Variants in ENPP4 observed in about 807,000 individuals in gnomAD.
ENPP4 encodes the protein ectonucleotide pyrophosphatase/phosphodiesterase 4.
In ENPP4, 18 loss-of-function variants were observed where a neutral mutation model predicts 33.4. The ratio of observed to expected loss-of-function variants is 0.54; its 90% CI spans 0.37 to 0.80. The LOEUF is 0.80. Ranked by LOEUF, ENPP4 falls within the 30% of genes least tolerant of loss-of-function variation. ENPP4 has a pLI of 0.00. For synonymous variants in ENPP4, 172 were observed against 189.9 expected (o/e 0.91, Z 0.78); for missense variants, 480 against 541.7 (o/e 0.89, Z 1.13).
At chr6:46,142,350 TA>T (rs1764074715) in intron 3 of ENPP4, among the ~76,000 whole-genome samples, 1 of 140,844 alleles carries the variant, frequency 7.1e-6, no homozygotes, top group Non-Finnish European at 1.5e-5. Context: ...TAATTATATG[TA>T]ATATATATAA....
At chr6:46,133,435 G>A (rs143607518) in intron 1 of ENPP4, among the ~76,000 whole-genome samples, 111 of 152,236 alleles carry the variant, frequency 7.3e-4, no homozygotes, top group African/African-American at 2.5e-3. Context: ...AGCAGATGGC[G>A]TGCTAATAGT....
chr6:46,143,591 T>A lies in ENPP4; in HGVS notation c.1313T>A (p.Phe438Tyr). 6.2e-7 allele frequency: 1 copy of A among 1,612,224 alleles called. No homozygotes were observed. Among genetic ancestry groups the A allele is most frequent in the Non-Finnish European group, 8.5e-7 (1 of 1,178,716 alleles). ...AATAGACTTTCTGTACCTCGTCCATTTTCTCGACTTCAGCTACAAGAAGAT... is the reference window on the plus strand; with the variant it reads ...AATAGACTTTCTGTACCTCGTCCATATTCTCGACTTCAGCTACAAGAAGAT... The part of the protein sequence containing the change: ...MQNRLSVPRP[F>Y]SRLQLQEDDD... Residue 438 changes from phenylalanine (F) to tyrosine (Y), a missense_variant, in exon 4 of 4, where the codon TTT becomes TAT. Physicochemically the swap from Phe to Tyr is conservative, Grantham distance 22. Around this residue, in one of 3 missense-constraint regions of ENPP4, gnomAD observed 249 missense variants for 251.8 expected, o/e 0.99. Transcript: ENST00000321037.
At chr6:46,136,845 T>C (rs547308453) in intron 1 of ENPP4, among the ~76,000 whole-genome samples, 2 of 152,010 alleles carry the variant, frequency 1.3e-5, no homozygotes, top group East Asian at 3.9e-4. Flanking sequence ...TAGAGATGGA[T>C]GAGTGGGTAG....
chr6:46,134,222 C>T (rs1763943777), intron 1 of ENPP4, among the ~76,000 whole-genome samples: 1 of 151,972 alleles, frequency 6.6e-6, no homozygotes, highest in South Asian at 2.1e-4. Context: ...TTTACACATC[C>T]TCATTTTACA....
At chr6:46,133,546 A>G (rs547846136) in intron 1 of ENPP4, among the ~76,000 whole-genome samples, 34 of 152,278 alleles carry the variant, frequency 2.2e-4, no homozygotes, top group African/African-American at 7.9e-4. Flanking sequence ...TCCAGGGAAG[A>G]ACGTCTTCCC....
intron 1 of ENPP4, among the ~76,000 whole-genome samples, chr6:46,133,565 T>C (rs200155478): frequency 1.3e-5 from 2 of 152,296 alleles, no homozygotes; most frequent in East Asian, 1.9e-4. Flanking sequence ...CCAGAGAAAT[T>C]AGAAGGTAGT....
In ENPP4 at chr6:46,140,060, A is replaced by G. The variant is rs1411991945; in HGVS notation, c.477A>G (p.Ser159=). 6.2e-7 allele frequency: 1 copy of G among 1,612,034 alleles called. No homozygotes were observed. The highest frequency in any genetic ancestry group is 8.5e-7 in the Non-Finnish European group (1 of 1,178,456). The part of the protein sequence containing the change: ...SYFMNYNSSV[S]FEERLNNITM... ...TTATGAATTACAACTCCTCAGTGTCATTTGAGGAAAGACTAAATAATATTA... is the reference window on the plus strand; with the variant it reads ...TTATGAATTACAACTCCTCAGTGTCGTTTGAGGAAAGACTAAATAATATTA... Residue 159 remains serine (S), a synonymous_variant, in exon 2 of 4, where the codon TCA becomes TCG. Transcript: ENST00000321037.
chr6:46,140,722 A>G lies in ENPP4; in HGVS notation c.826+313A>G, dbSNP rs78497979. Among the ~76,000 whole-genome samples the G allele has an allele frequency of 4.5e-3, 681 of 151,826 alleles. 2 individuals carry two copies. The highest frequency in any genetic ancestry group is 0.015 in the African/African-American group (640 of 41,492). On this transcript the variant is annotated intron_variant, in intron 2 of 3. Coordinates refer to ENST00000321037, the MANE Select transcript of ENPP4 (RefSeq NM_014936.5). ...AGTGTGTGATATTTAGTGGTGAGGT[A>G]CTTTCTTCTACTGATCATAGAAGTA...
chr6:46,144,891 C>A lies in ENPP4; in HGVS notation c.*1251C>A, dbSNP rs896399744. ...CAGTATTTGCATCACAGAAATAATC[C>A]CTCTGTTTAACATGTTTGTTCAGAG... On this transcript the variant is annotated 3_prime_UTR_variant, in exon 4 of 4. Transcript: ENST00000321037. The A allele has an allele frequency of 4.5e-5, 18 of 395,744 alleles. No individual in the cohort carries two copies. The highest frequency in any genetic ancestry group is 3.8e-4 in the South Asian group (3 of 7,830). 24.5% of individuals were successfully genotyped at this position (395,744 alleles called of 1,614,324 possible).
intron 1 of ENPP4, among the ~76,000 whole-genome samples, chr6:46,133,184 A>G (rs1161065917): frequency 1.3e-5 from 2 of 152,192 alleles, no homozygotes; most frequent in Non-Finnish European, 2.9e-5. Context: ...AGAAAGTAAG[A>G]TAAGTGTAAG....
chr6:46,130,474 C>T (rs375301195), intron 1 of ENPP4, among the ~76,000 whole-genome samples: 2 of 152,110 alleles, frequency 1.3e-5, no homozygotes, highest in African/African-American at 4.8e-5. Flanking sequence ...GGAAGTCAGC[C>T]GAACGGTAGT....
At chr6:46,142,390 A>AT (rs1347757805) in intron 3 of ENPP4, among the ~76,000 whole-genome samples, 128 of 144,310 alleles carry the variant, frequency 8.9e-4, no homozygotes, top group Non-Finnish European at 1.4e-3. Flanking sequence ...TATATTATAT[A>AT]TAATATATAA....
In ENPP4 at chr6:46,143,730, A is replaced by G. The variant is rs1482563066; in HGVS notation, c.*90A>G. On this transcript the variant is annotated 3_prime_UTR_variant, in exon 4 of 4. Coordinates refer to ENST00000321037, the MANE Select transcript of ENPP4 (RefSeq NM_014936.5). ...TAGTGTTGTAACTATGAAAAAGAAT[A>G]CTTTGAAAGACAAAGAACTTAGACT... is the stretch of plus-strand genomic sequence containing the variant. 2 of 1,273,028 alleles carry G rather than the reference A, an allele frequency of 1.6e-6. No individual in the cohort carries two copies. The highest frequency in any genetic ancestry group is 3.0e-5 in the African/African-American group (2 of 66,912). 78.9% of individuals were successfully genotyped at this position (1,273,028 alleles called of 1,614,324 possible). A position where few individuals can be genotyped will look rare whatever the true frequency, so the allele number is the denominator to read the frequency against.
At chr6:46,132,115 T>C (rs1296835057) in intron 1 of ENPP4, among the ~76,000 whole-genome samples, 1 of 152,222 alleles carries the variant, frequency 6.6e-6, no homozygotes, top group Non-Finnish European at 1.5e-5. Flanking sequence ...GCCTGTTCAC[T>C]CTGATGGTAG....
chr6:46,144,487 C>G lies in ENPP4; in HGVS notation c.*847C>G, dbSNP rs542651595. On this transcript the variant is annotated 3_prime_UTR_variant, in exon 4 of 4. Transcript: ENST00000321037. ...AAGGAGGTCAGAGATGGACTGTGGC[C>G]AGGCTTCCACATTCCTGAAGCACAC... 1.3e-5 allele frequency: 2 copies of G among 152,224 alleles called. No homozygotes were observed. The highest frequency in any genetic ancestry group is 1.3e-4 in the Admixed American group (2 of 15,194). The allele number at this position is 152,224 out of a possible 1,614,324, so 9.4% of individuals were successfully genotyped here. A position where few individuals can be genotyped will look rare whatever the true frequency, so the allele number is the denominator to read the frequency against.
chr6:46,138,451 G>A (rs1194334758), intron 1 of ENPP4, among the ~76,000 whole-genome samples: 1 of 151,842 alleles, frequency 6.6e-6, no homozygotes, highest in Non-Finnish European at 1.5e-5. Context: ...ATTGACTCCA[G>A]TTCTACTGTT....
rs766880734 is a variant in ENPP4 at position 46,141,039 on chromosome 6, T to G, written c.827-13T>G. 1.3e-6 allele frequency: 2 copies of G among 1,540,724 alleles called. No individual in the cohort carries two copies. Among genetic ancestry groups the G allele is most frequent in the Admixed American group, 2.2e-5 (1 of 45,936 alleles). ...ATAACTTGTTTCCTTTGCTGTTTCT[T>G]TTTTTTTCTCAGATAGAACAGAGGT... is the stretch of plus-strand genomic sequence containing the variant. On this transcript the variant is annotated splice_polypyrimidine_tract_variant and intron_variant, in intron 2 of 3. Coordinates refer to ENST00000321037, the MANE Select transcript of ENPP4 (RefSeq NM_014936.5).
At position 46,145,007 on chromosome 6, in the gene ENPP4, C is replaced by T; in HGVS notation, c.*1367C>T. 1 of 396,100 alleles carries T rather than the reference C, an allele frequency of 2.5e-6. No individual in the cohort carries two copies. The highest frequency in any genetic ancestry group is 4.5e-6 in the Non-Finnish European group (1 of 224,218). 24.5% of individuals were successfully genotyped at this position (396,100 alleles called of 1,614,324 possible). The stretch of plus-strand genomic sequence containing the variant: ...TTAATATGAAGAAACTAGGTTGTGA[C>T]AGACTAGATTATATTTAGTAGGGGA... On this transcript the variant is annotated 3_prime_UTR_variant, in exon 4 of 4. Transcript: ENST00000321037.
At chr6:46,136,826 T>C (rs541841157) in intron 1 of ENPP4, among the ~76,000 whole-genome samples, 27 of 151,880 alleles carry the variant, frequency 1.8e-4, no homozygotes, top group Non-Finnish European at 4.0e-4. Context: ...CTAAAAAATA[T>C]AGCAGTAGTA....
Sources: gnomAD v4.1 joint callset for allele counts (sites outside exome capture counted in the v4.1 genomes callset) on GRCh38, gnomAD v4.1.1 for gene constraint, gnomAD v4.1.1 regional missense constraint, MANE v1.5 for transcripts, NCBI Gene and HGNC (gene_info 2026-07-23, HGNC 2026-07-21) for gene names.